The following PCDHA6 variants were observed in gnomAD, a reference collection of about 807,000 sequenced individuals.
PCDHA6 encodes the protein protocadherin alpha 6.
PCDHA6 carries 55 observed loss-of-function variants against 60.3 expected under a neutral mutation model. The ratio of observed to expected loss-of-function variants is 0.91; its 90% CI spans 0.73 to 1.14. PCDHA6 has a LOEUF of 1.14. Ranked by LOEUF, PCDHA6 falls within the 50% of genes most tolerant of loss-of-function variation. The probability of loss-of-function intolerance (pLI) is 0.00; values close to 1 mark genes in which losing one functional copy is unlikely to be tolerated. For synonymous variants in PCDHA6, 652 were observed against 557.9 expected, an observed-to-expected ratio of 1.17 and a Z score of -2.38; for missense variants, 1,327 against 1,256.5, an observed-to-expected ratio of 1.06 and a Z score of -0.85.
intron 1 of PCDHA6, chr5:140,857,987 C>T: frequency 6.3e-7 from 1 of 1,596,876 alleles, no homozygotes; most frequent in Admixed American, 1.7e-5. Context: ...CCAGCGCCTA[C>T]TGGTGCTGGT....
intron 1 of PCDHA6, chr5:140,857,965 T>C: frequency 6.3e-7 from 1 of 1,597,084 alleles, no homozygotes; most frequent in Non-Finnish European, 8.6e-7. Context: ...TGGATGAGAC[T>C]GACTCGCCAC....
At chr5:140,884,493 C>T (rs782633321) in intron 1 of PCDHA6, 2 of 1,614,038 alleles carry the variant, frequency 1.2e-6, no homozygotes, top group African/African-American at 1.3e-5. Flanking sequence ...CTAGTGTGCT[C>T]CAGCGCGGCA....
At position 141,009,688 on chromosome 5, in the gene PCDHA6, C is replaced by A. The variant is rs2098413722; in HGVS notation, c.2604C>A (p.Thr868=). 1 of 1,613,960 alleles carries A rather than the reference C, an allele frequency of 6.2e-7. No individual in the cohort carries two copies. Among genetic ancestry groups the A allele is most frequent in the Admixed American group, 1.7e-5 (1 of 59,994 alleles). ...CGGGTGTCAACAGCAACAGCTGGAC[C>A]TTTAAATACGGACCAGGCAACCCCA... ...VGAGVNSNSW[T]FKYGPGNPKQ... is the part of the protein sequence containing the mutation. Residue 868 remains threonine, a synonymous_variant, in exon 4 of 4, where the codon ACC becomes ACA. Transcript: ENST00000529310.
intron 1 of PCDHA6, chr5:140,875,947 G>A: frequency 6.2e-7 from 1 of 1,614,184 alleles, no homozygotes; most frequent in South Asian, 1.1e-5. Context: ...GGGCGCTTCT[G>A]ATGCGGATAT....
At chr5:140,897,412 C>T (rs1304528785) in intron 1 of PCDHA6, among the ~76,000 whole-genome samples, 1 of 143,354 alleles carries the variant, frequency 7.0e-6, no homozygotes, top group Non-Finnish European at 1.5e-5. Context: ...TTGTTCAATT[C>T]CCATCTATGA....
intron 1 of PCDHA6, chr5:140,882,210 CAGTTTG>C (rs1332497676): frequency 6.5e-7 from 1 of 1,533,604 alleles, no homozygotes; most frequent in African/African-American, 1.4e-5. Flanking sequence ...CCTTGAGAGA[CAGTTTG>C]AGGTAAGGCG....
Position 140,837,615 on chromosome 5 carries a change from CCCTTCCTT to C in PCDHA6, c.2394+7143_2394+7150del, listed in dbSNP as rs528339826. On this transcript the variant is annotated intron_variant, in intron 1 of 3. Transcript: ENST00000529310. ...CCAATATATATATTTTATAATTTGCCCCTTCCTTCCTTCCTTCCTTTCTTTCTTTCTTT... is the reference window on the plus strand; with the variant it reads ...CCAATATATATATTTTATAATTTGCCCCTTCCTTCCTTTCTTTCTTTCTTT... 5.5e-5 allele frequency among the ~76,000 whole-genome samples: 8 copies of C among 145,806 alleles called. 2 individuals are homozygous for C. The highest frequency in any genetic ancestry group is 1.2e-4 in the Non-Finnish European group (8 of 66,858).
chr5:140,896,721 T>C (rs774174943), intron 1 of PCDHA6, among the ~76,000 whole-genome samples: 1 of 152,176 alleles, frequency 6.6e-6, no homozygotes, highest in Non-Finnish European at 1.5e-5. Flanking sequence ...TGCTTGTTAA[T>C]TTGTTTAAGT....
intron 1 of PCDHA6, among the ~76,000 whole-genome samples, chr5:140,971,002 C>A (rs2096450018): frequency 6.6e-6 from 1 of 152,136 alleles, no homozygotes; most frequent in Non-Finnish European, 1.5e-5. Context: ...CAAAGAGTTT[C>A]CAGAAGTCTT....
chr5:140,843,712 C>T, intron 1 of PCDHA6: 1 of 1,569,886 alleles, frequency 6.4e-7, no homozygotes, highest in Non-Finnish European at 8.7e-7. Context: ...ATCATGGCCT[C>T]AAAGTAAGTC....
chr5:140,921,228 T>G (rs1401455945), intron 1 of PCDHA6, among the ~76,000 whole-genome samples: 11 of 152,154 alleles, frequency 7.2e-5, no homozygotes, highest in African/African-American at 2.7e-4. Context: ...TTTTGCTAGA[T>G]GATATTAAGC....
chr5:140,938,113 C>CT (rs1337308557), intron 1 of PCDHA6, among the ~76,000 whole-genome samples: 1 of 152,056 alleles, frequency 6.6e-6, no homozygotes, highest in Non-Finnish European at 1.5e-5. Context: ...TACTTTCTCT[C>CT]TTTTTTTAAA....
chr5:140,846,341 G>GCTTTCTCT lies in PCDHA6; in HGVS notation c.2394+15857_2394+15864dup, dbSNP rs1176165668. On this transcript the variant is annotated intron_variant, in intron 1 of 3. Coordinates refer to ENST00000529310, the MANE Select transcript of PCDHA6 (RefSeq NM_018909.4). ...AGTGTTGTAAATAGCCTTTTAAAGTGCTTTCTCTTTTTTCTTTTCTTTTCT... is the reference window on the plus strand; with the variant it reads ...AGTGTTGTAAATAGCCTTTTAAAGTGCTTTCTCTCTTTCTCTTTTTTCTTTTCTTTTCT... Among the ~76,000 whole-genome samples, 20 of 144,650 alleles carry GCTTTCTCT rather than the reference G, an allele frequency of 1.4e-4. 2 individuals carry two copies. Among genetic ancestry groups the GCTTTCTCT allele is most frequent in the Non-Finnish European group, 1.5e-5 (1 of 64,996 alleles). 94.9% of individuals were successfully genotyped at this position (144,650 alleles called of 152,430 possible). A position where few individuals can be genotyped will look rare whatever the true frequency, so the allele number is the denominator to read the frequency against.
At chr5:140,877,851 A>G in intron 1 of PCDHA6, 1 of 1,546,284 alleles carries the variant, frequency 6.5e-7, no homozygotes, top group South Asian at 1.3e-5. Context: ...TAAGTTATTA[A>G]TATTATTTAG....
chr5:140,851,063 G>T, intron 1 of PCDHA6: 3 of 1,372,672 alleles, frequency 2.2e-6, no homozygotes, highest in Non-Finnish European at 2.9e-6. Flanking sequence ...TTGACTTCTA[G>T]TGAGAATTAT....
At chr5:140,941,760 T>A (rs1343959883) in intron 1 of PCDHA6, among the ~76,000 whole-genome samples, 2 of 152,234 alleles carry the variant, frequency 1.3e-5, no homozygotes, top group Non-Finnish European at 1.5e-5. Flanking sequence ...TCAGTGCTTT[T>A]AAGATAATTG....
At chr5:140,863,393 C>G (rs782189753) in intron 1 of PCDHA6, 2 of 924,736 alleles carry the variant, frequency 2.2e-6, no homozygotes, top group Non-Finnish European at 3.3e-6. Flanking sequence ...TCGTGCATGC[C>G]GGGCAAGCCC....
At chr5:140,860,539 A>C (rs1017009247) in intron 1 of PCDHA6, 4 of 152,206 alleles carry the variant, frequency 2.6e-5, no homozygotes, top group African/African-American at 7.2e-5. Flanking sequence ...TTTGTAAGAC[A>C]AACCCACCTT....
chr5:140,843,949 T>C, intron 1 of PCDHA6: 1 of 564,496 alleles, frequency 1.8e-6, no homozygotes, highest in Non-Finnish European at 3.1e-6. Context: ...ATGATATCCA[T>C]TTTTTACTGA....
Sources: allele counts gnomAD v4.1 joint callset (sites outside exome capture counted in the v4.1 genomes callset), GRCh38; gene constraint gnomAD v4.1.1; transcripts MANE v1.5; gene names NCBI Gene and HGNC (gene_info 2026-07-23, HGNC 2026-07-21).